Variants in ZNF716 observed in about 807,000 individuals in gnomAD.
ZNF716 encodes the protein zinc finger protein 716.
In ZNF716, 9 loss-of-function variants were observed where a neutral mutation model predicts 13.4. That is an observed-to-expected ratio of 0.67 (90% CI 0.41 to 1.18). ZNF716 has a LOEUF of 1.18. ZNF716 is among the 50% of genes most tolerant of loss of function. ZNF716 has a pLI of 0.01. For missense variants in ZNF716, 581 were observed against 576.6 expected (o/e 1.01, Z -0.08); for synonymous variants, 186 against 195.2 (o/e 0.95, Z 0.39).
At chr7:57,464,122 CTT>C (rs71065117) in intron 3 of ZNF716, among the ~76,000 whole-genome samples, 19 of 125,842 alleles carry the variant, frequency 1.5e-4, no homozygotes, top group Non-Finnish European at 1.9e-4. Flanking sequence ...TTTCTTTTTT[CTT>C]TTTTTTTTTT....
rs377114267 is a variant in ZNF716, at chr7:57,459,975, A to G, written c.40-2485A>G. ...GGTGAATAGGTTGTGCTTTAAAGGC[A>G]TATTCTCAAGATGCAGGTTTGATAT... On this transcript the variant is annotated intron_variant, in intron 1 of 3. Coordinates refer to ENST00000420713, the MANE Select transcript of ZNF716 (RefSeq NM_001159279.1). Among the ~76,000 whole-genome samples the G allele has an allele frequency of 4.2e-5, 6 of 141,216 alleles. No individual in the cohort carries two copies. In the East Asian group the frequency reaches 1.1e-3, roughly 26 times the overall value. The allele number at this position is 141,216 out of a possible 152,430, so 92.6% of individuals were successfully genotyped here.
At position 57,450,307 on chromosome 7, in the gene ZNF716, C is replaced by A. The variant is rs782715996; in HGVS notation, c.19C>A (p.Pro7Thr). Residue 7 changes from proline (P) to threonine (T), a missense_variant, in exon 1 of 4, where the codon CCC (proline) becomes ACC (threonine). By Grantham distance (38) the Pro-to-Thr change is conservative. Transcript: ENST00000420713. ...CAGATTTATGGCTAAAAGACCGGGA[C>A]CCCCTGGAAGCCGAGAAATGGTGAG... MAKRPGPPGSREMGLLT... is the reference protein window; with the variant it reads MAKRPGTPGSREMGLLT... The A allele has an allele frequency of 8.1e-6, 13 of 1,613,880 alleles. No homozygotes were observed. The highest frequency in any genetic ancestry group is 1.1e-5 in the South Asian group (1 of 91,072).
At chr7:57,457,563 C>G (rs7790516) in intron 1 of ZNF716, among the ~76,000 whole-genome samples, 71,118 of 151,946 alleles carry the variant, frequency 0.47, 16,822 homozygotes, top group Admixed American at 0.54. Flanking sequence ...AGGCTGGTCT[C>G]GAACTCCTGG....
chr7:57,458,442 C>G (rs1324627181), intron 1 of ZNF716, among the ~76,000 whole-genome samples: 1 of 149,998 alleles, frequency 6.7e-6, no homozygotes, highest in African/African-American at 2.5e-5. Context: ...TTTTTTCTGA[C>G]ATGGAGTTTC....
intron 3 of ZNF716, among the ~76,000 whole-genome samples, chr7:57,465,475 C>T (rs1332074457): frequency 6.6e-6 from 1 of 152,072 alleles, no homozygotes; most frequent in Non-Finnish European, 1.5e-5. Context: ...ACCTTGGCCT[C>T]CTGAGTAGCT....
chr7:57,468,925 A>C lies in ZNF716; in HGVS notation c.464A>C (p.Lys155Thr). The C allele has an allele frequency of 6.2e-7, 1 of 1,612,454 alleles. No homozygotes were observed. The highest frequency in any genetic ancestry group is 8.5e-7 in the Non-Finnish European group (1 of 1,179,146). Reference protein sequence around the residue: ...VNQCLSATQNKTFQTHKCVKV... With the variant: ...VNQCLSATQNTTFQTHKCVKV... ...CAATGTTTGTCAGCTACCCAAAACA[A>C]AACATTTCAGACTCATAAATGCGTC... is the stretch of plus-strand genomic sequence containing the variant. The change falls in exon 4 of 4, where the codon AAA becomes ACA. Residue 155 changes from lysine (K) to threonine (T), a missense_variant. Coordinates refer to ENST00000420713, the MANE Select transcript of ZNF716 (RefSeq NM_001159279.1).
In ZNF716 at chr7:57,469,695, G is replaced by A. The variant is rs781860162; in HGVS notation, c.1234G>A (p.Glu412Lys). The change falls in exon 4 of 4, where the codon GAA (glutamate) becomes AAA (lysine). Residue 412 changes from glutamate (E) to lysine (K), a missense_variant. Physicochemically the swap from Glu to Lys is moderately conservative, Grantham distance 56. Transcript: ENST00000420713. ...TGGAGAGAAACCCTACAAATGTGAA[G>A]AATGTGGCAAAGCCTTTAACTGCTC... ...HTGEKPYKCE[E>K]CGKAFNCSST... is the part of the protein sequence containing the mutation. 8 of 1,611,034 alleles carry A rather than the reference G, an allele frequency of 5.0e-6. No homozygotes were observed. The highest frequency in any genetic ancestry group is 6.8e-6 in the Non-Finnish European group (8 of 1,178,008).
At position 57,472,365 on chromosome 7, in the gene ZNF716, T is replaced by C. The variant is rs1402144322; in HGVS notation, c.*2416T>C. On this transcript the variant is annotated 3_prime_UTR_variant, in exon 4 of 4. Coordinates refer to ENST00000420713, the MANE Select transcript of ZNF716 (RefSeq NM_001159279.1). Reference sequence around the variant, plus strand: ...AAAGAAGTATTAAGCTGCCATTGACTCTATCGTGTCTCATCTTAAGGTTCT... The same window carrying C: ...AAAGAAGTATTAAGCTGCCATTGACCCTATCGTGTCTCATCTTAAGGTTCT... 1.3e-5 allele frequency: 2 copies of C among 152,248 alleles called. No individual in the cohort carries two copies. Among genetic ancestry groups the C allele is most frequent in the African/African-American group, 4.8e-5 (2 of 41,470 alleles). 9.4% of individuals were successfully genotyped at this position (152,248 alleles called of 1,614,324 possible).
At chr7:57,463,972 A>C (rs201064740) in intron 3 of ZNF716, among the ~76,000 whole-genome samples, 2 of 136,570 alleles carry the variant, frequency 1.5e-5, no homozygotes, top group East Asian at 4.1e-4. Context: ...TAATTGATGC[A>C]AGGTAATTTT....
Position 57,470,115 on chromosome 7 carries a change from A to G in ZNF716, c.*166A>G. 2 of 727,108 alleles carry G rather than the reference A, an allele frequency of 2.8e-6. No individual in the cohort carries two copies. The highest frequency in any genetic ancestry group is 2.1e-6 in the Non-Finnish European group (1 of 481,432). 45.0% of individuals were successfully genotyped at this position (727,108 alleles called of 1,614,324 possible). ...AAAGTCTTATAAATGTAAAAAAAAA[A>G]GTAACAGCCTTTAACCACCCCTCAA... On this transcript the variant is annotated 3_prime_UTR_variant, in exon 4 of 4. Coordinates refer to ENST00000420713, the MANE Select transcript of ZNF716 (RefSeq NM_001159279.1).
chr7:57,470,000 T>C lies in ZNF716; in HGVS notation c.*51T>C, dbSNP rs1789899797. The C allele has an allele frequency of 6.9e-7, 1 of 1,456,058 alleles. No homozygotes were observed. Among genetic ancestry groups the C allele is most frequent in the Admixed American group, 2.7e-5 (1 of 36,632 alleles). The allele number at this position is 1,456,058 out of a possible 1,614,324, so 90.2% of individuals were successfully genotyped here. On this transcript the variant is annotated 3_prime_UTR_variant, in exon 4 of 4. Transcript: ENST00000420713. ...TTATAATACATAAAATAATTTATACTGGAAAAAATCACTACAAGTGTGGAG... is the reference window on the plus strand; with the variant it reads ...TTATAATACATAAAATAATTTATACCGGAAAAAATCACTACAAGTGTGGAG...
chr7:57,463,311 T>A, intron 3 of ZNF716, 143 bp downstream of exon 3: 1 of 1,085,610 alleles, frequency 9.2e-7, no homozygotes, highest in Non-Finnish European at 1.3e-6. Context: ...TCTATTATGC[T>A]TACATAGGGA....
rs1554322201 is a variant in ZNF716 at position 57,456,708 on chromosome 7, C to CTGGG, written c.40-5751_40-5748dup. On this transcript the variant is annotated intron_variant, in intron 1 of 3. Coordinates refer to ENST00000420713, the MANE Select transcript of ZNF716 (RefSeq NM_001159279.1). ...CGAGATCGTGCCACTGCACCCCAGC[C>CTGGG]TGGGCGACAGAGTGAGACTGCATTT... Among the ~76,000 whole-genome samples, 10 of 151,624 alleles carry CTGGG rather than the reference C, an allele frequency of 6.6e-5. No homozygotes were observed. In the South Asian group the frequency reaches 1.9e-3, roughly 29 times the overall value.
intron 1 of ZNF716, among the ~76,000 whole-genome samples, chr7:57,459,267 A>C (rs1379980345): frequency 1.3e-5 from 2 of 151,458 alleles, no homozygotes; most frequent in African/African-American, 4.9e-5. Flanking sequence ...TTCCCAGCAC[A>C]GTGTTCTGTG....
At chr7:57,460,351 C>T (rs1789685619) in intron 1 of ZNF716, among the ~76,000 whole-genome samples, 1 of 145,204 alleles carries the variant, frequency 6.9e-6, no homozygotes, top group African/African-American at 2.6e-5. Context: ...GCTGAGATTG[C>T]ACCACCGCAC....
intron 3 of ZNF716, among the ~76,000 whole-genome samples, chr7:57,466,433 A>G (rs1321771166): frequency 1.3e-5 from 2 of 151,990 alleles, no homozygotes; most frequent in Non-Finnish European, 2.9e-5. Context: ...TCCCTCATGA[A>G]TGACTTGGCA....
At chr7:57,460,685 A>G (rs1789692529) in intron 1 of ZNF716, among the ~76,000 whole-genome samples, 1 of 152,158 alleles carries the variant, frequency 6.6e-6, no homozygotes, top group Non-Finnish European at 1.5e-5. Context: ...GTTGAACATG[A>G]GAAGGTGTGG....
At chr7:57,450,411 C>G in intron 1 of ZNF716, 84 bp downstream of exon 1, 2 of 1,610,664 alleles carry the variant, frequency 1.2e-6, no homozygotes, top group Non-Finnish European at 1.7e-6. Flanking sequence ...ACCCAAACTT[C>G]CTCGCAGTCA....
chr7:57,469,305 A>G lies in ZNF716; in HGVS notation c.844A>G (p.Thr282Ala), dbSNP rs1383899684. The change falls in exon 4 of 4, where the codon ACA (threonine) becomes GCA (alanine). Residue 282 changes from threonine to alanine, a missense_variant. Physicochemically the swap from Thr to Ala is moderately conservative, Grantham distance 58. Coordinates refer to ENST00000420713, the MANE Select transcript of ZNF716 (RefSeq NM_001159279.1). Reference protein sequence around the residue: ...EERGKVFSRSTLTNYKRIHTG... With the variant: ...EERGKVFSRSALTNYKRIHTG... ...ACGTGGCAAAGTCTTTAGCCGCTCA[A>G]CACTTACTAACTACAAGAGAATTCA... 1.1e-5 allele frequency: 18 copies of G among 1,589,614 alleles called. No individual in the cohort carries two copies. Among genetic ancestry groups the G allele is most frequent in the Non-Finnish European group, 1.5e-5 (18 of 1,165,874 alleles).
Sources: allele counts gnomAD v4.1 joint callset (sites outside exome capture counted in the v4.1 genomes callset), GRCh38; gene constraint gnomAD v4.1.1; transcripts MANE v1.5; gene names NCBI Gene and HGNC (gene_info 2026-07-23, HGNC 2026-07-21).